The following CLSTN2 variants were observed in gnomAD, a reference collection of about 807,000 sequenced individuals.
CLSTN2 encodes calsyntenin-2.
CLSTN2 carries 48 observed loss-of-function variants against 101.2 expected under a neutral mutation model. The observed-to-expected ratio is 0.47, with a 90% CI of 0.38 to 0.60. The LOEUF is 0.60. Ranked by LOEUF, CLSTN2 falls within the 20% of genes least tolerant of loss-of-function variation. The pLI, the probability that CLSTN2 is intolerant of heterozygous loss-of-function variation, is 0.00. For missense variants in CLSTN2, 1,160 were observed against 1,238.2 expected, an observed-to-expected ratio of 0.94 and a Z score of 0.95; for synonymous variants, 481 against 463.6, an observed-to-expected ratio of 1.04 and a Z score of -0.48.
At chr3:140,220,275 G>C (rs900565877) in intron 2 of CLSTN2, among the ~76,000 whole-genome samples, 8 of 152,178 alleles carry the variant, frequency 5.3e-5, no homozygotes, top group Admixed American at 2.0e-4. Context: ...CAATGCCATG[G>C]CATAATGATC....
chr3:140,254,017 T>C lies in CLSTN2; in HGVS notation c.232+77944T>C, dbSNP rs148089300. On this transcript the variant is annotated intron_variant, in intron 2 of 16. Transcript: ENST00000458420. ...GCCTCCTTTGGAATTTTCCTTGGGGTAAAAATTGTGGGTCCCTTACCTAAT... is the reference window on the plus strand; with the variant it reads ...GCCTCCTTTGGAATTTTCCTTGGGGCAAAAATTGTGGGTCCCTTACCTAAT... Among the ~76,000 whole-genome samples, 49 of 152,222 alleles carry C rather than the reference T, an allele frequency of 3.2e-4. No individual in the cohort carries two copies. In the East Asian group the frequency reaches 7.3e-3, roughly 23 times the overall value.
chr3:140,381,214 C>A (rs2087978524), intron 2 of CLSTN2, among the ~76,000 whole-genome samples: 1 of 152,206 alleles, frequency 6.6e-6, no homozygotes, highest in Admixed American at 6.5e-5. Context: ...TTCACATCAT[C>A]TTCCTAATGG....
chr3:139,990,869 G>A (rs1394925892), intron 1 of CLSTN2, among the ~76,000 whole-genome samples: 1 of 152,150 alleles, frequency 6.6e-6, no homozygotes, highest in East Asian at 1.9e-4. Context: ...TCAGATTGGT[G>A]CAGAGATAAA....
intron 1 of CLSTN2, among the ~76,000 whole-genome samples, chr3:140,140,764 A>G (rs1647871441): frequency 6.6e-6 from 1 of 152,208 alleles, no homozygotes. Flanking sequence ...TAAAGTGGCA[A>G]AGTCAGGATT....
chr3:140,522,595 A>G (rs1344411443), intron 8 of CLSTN2, among the ~76,000 whole-genome samples: 1 of 152,198 alleles, frequency 6.6e-6, no homozygotes, highest in Non-Finnish European at 1.5e-5. Flanking sequence ...CACTAAAATA[A>G]GGTAACACAC....
At chr3:140,116,929 C>A (rs1279276793) in intron 1 of CLSTN2, among the ~76,000 whole-genome samples, 1 of 152,126 alleles carries the variant, frequency 6.6e-6, no homozygotes, top group Non-Finnish European at 1.5e-5. Context: ...CCAGAATGTA[C>A]CATTTTACCT....
intron 8 of CLSTN2, among the ~76,000 whole-genome samples, chr3:140,471,389 A>G (rs886656566): frequency 6.6e-6 from 1 of 152,220 alleles, no homozygotes; most frequent in African/African-American, 2.4e-5. Context: ...ACACAGCTTG[A>G]GTGACAGCCT....
chr3:139,984,651 A>G (rs1230589842), intron 1 of CLSTN2, among the ~76,000 whole-genome samples: 2 of 152,002 alleles, frequency 1.3e-5, no homozygotes, highest in Non-Finnish European at 2.9e-5. Flanking sequence ...TGACCCTTGT[A>G]TTGGCCTTTT....
At chr3:140,438,365 C>A (rs755057359) in intron 5 of CLSTN2, among the ~76,000 whole-genome samples, 1 of 131,636 alleles carries the variant, frequency 7.6e-6, no homozygotes, top group Non-Finnish European at 1.5e-5. Context: ...TTTCAGCTTG[C>A]GACTCTTGTT....
At chr3:140,070,087 C>G (rs2008365653) in intron 1 of CLSTN2, among the ~76,000 whole-genome samples, 1 of 152,194 alleles carries the variant, frequency 6.6e-6, no homozygotes, top group Non-Finnish European at 1.5e-5. Flanking sequence ...GTCAGTGGCT[C>G]TCACTGTCTT....
intron 1 of CLSTN2, among the ~76,000 whole-genome samples, chr3:140,043,999 G>A (rs1457888066): frequency 1.3e-5 from 2 of 152,194 alleles, no homozygotes; most frequent in Non-Finnish European, 2.9e-5. Flanking sequence ...GATTGTCATG[G>A]CAATGCAGGA....
At chr3:139,979,426 C>T (rs375175276) in intron 1 of CLSTN2, among the ~76,000 whole-genome samples, 5 of 152,286 alleles carry the variant, frequency 3.3e-5, no homozygotes, top group African/African-American at 1.2e-4. Flanking sequence ...TAGCTAAAGT[C>T]CAGGTTCTGT....
In CLSTN2 at chr3:140,474,972, G is replaced by A. The variant is rs1211359148; in HGVS notation, c.1344+8241G>A. 1.6e-5 allele frequency among the ~76,000 whole-genome samples: 2 copies of A among 128,796 alleles called. 1 individual carries two copies. Among genetic ancestry groups the A allele is most frequent in the East Asian group, 5.0e-4 (2 of 4,012 alleles). The allele number at this position is 128,796 out of a possible 152,430, so 84.5% of individuals were successfully genotyped here. A position where few individuals can be genotyped will look rare whatever the true frequency, so the allele number is the denominator to read the frequency against. ...GAAAGAAGCCCCCACTACACGCAAT[G>A]ATAACCTTAACACCCTCTTGGATTG... On this transcript the variant is annotated intron_variant, in intron 8 of 16. Transcript: ENST00000458420.
intron 1 of CLSTN2, among the ~76,000 whole-genome samples, chr3:140,151,683 C>T (rs1560110308): frequency 6.6e-6 from 1 of 152,024 alleles, no homozygotes; most frequent in Non-Finnish European, 1.5e-5. Flanking sequence ...GCAAATCCTC[C>T]TGAAGCTATT....
intron 8 of CLSTN2, among the ~76,000 whole-genome samples, chr3:140,509,693 C>A (rs1446001155): frequency 1.3e-5 from 2 of 152,172 alleles, no homozygotes; most frequent in African/African-American, 4.8e-5. Flanking sequence ...TTCCTCCAGG[C>A]TCCTGCAGGA....
rs114199015 is a variant in CLSTN2, at chr3:140,037,745, G to T, written c.109+102262G>T. On this transcript the variant is annotated intron_variant, in intron 1 of 16. Coordinates refer to ENST00000458420, the MANE Select transcript of CLSTN2 (RefSeq NM_022131.3). ...TCAATGTGTGTTGTTCCCCCCATGT[G>T]TTCATGAGTTCTCATCATTCAGCTC... is the stretch of plus-strand genomic sequence containing the variant. Among the ~76,000 whole-genome samples, 1,177 of 152,088 alleles carry T rather than the reference G, an allele frequency of 7.7e-3. 17 individuals carry two copies. Among genetic ancestry groups the T allele is most frequent in the African/African-American group, 0.025 (1,034 of 41,476 alleles).
intron 10 of CLSTN2, among the ~76,000 whole-genome samples, chr3:140,554,579 A>C (rs1192277536): frequency 6.6e-6 from 1 of 152,206 alleles, no homozygotes; most frequent in African/African-American, 2.4e-5. Context: ...GTGTTGATAT[A>C]ATCTCTAGCA....
At chr3:140,238,202 G>C (rs76854342) in intron 2 of CLSTN2, among the ~76,000 whole-genome samples, 1 of 152,168 alleles carries the variant, frequency 6.6e-6, no homozygotes, top group East Asian at 1.9e-4. Flanking sequence ...CCACAGGATA[G>C]ATTTCCAGAG....
At chr3:140,131,901 A>T (rs1172597843) in intron 1 of CLSTN2, among the ~76,000 whole-genome samples, 2 of 152,150 alleles carry the variant, frequency 1.3e-5, no homozygotes, top group African/African-American at 4.8e-5. Context: ...ATCTTATCTG[A>T]ACTGGCTGGC....
Sources: allele counts gnomAD v4.1 joint callset (sites outside exome capture counted in the v4.1 genomes callset), GRCh38; gene constraint gnomAD v4.1.1; transcripts MANE v1.5; gene names NCBI Gene and HGNC (gene_info 2026-07-23, HGNC 2026-07-21).